Variants in SH3RF3 observed in about 807,000 individuals in gnomAD.
SH3RF3 encodes SH3 domain containing ring finger 3.
In SH3RF3, 29 loss-of-function variants were observed where a neutral mutation model predicts 66.3. The ratio of observed to expected loss-of-function variants is 0.44; its 90% confidence interval spans 0.33 to 0.60. SH3RF3 has a LOEUF of 0.60. Among genes scored for constraint, SH3RF3 ranks in the 20% least tolerant of loss-of-function variants. The pLI is 0.04. For synonymous variants in SH3RF3, 583 were observed against 532.0 expected, an observed-to-expected ratio of 1.10 and a Z score of -1.32; for missense variants, 1,194 against 1,190.9, an observed-to-expected ratio of 1.00 and a Z score of -0.04.
intron 7 of SH3RF3, among the ~76,000 whole-genome samples, chr2:109,441,235 T>C (rs752713261): frequency 2.6e-5 from 4 of 151,970 alleles, no homozygotes; most frequent in Non-Finnish European, 5.9e-5. Flanking sequence ...ATATGACTTA[T>C]AATGAAGGGA....
chr2:109,142,046 G>A (rs567464249), intron 1 of SH3RF3, among the ~76,000 whole-genome samples: 1 of 151,466 alleles, frequency 6.6e-6, no homozygotes, highest in Non-Finnish European at 1.5e-5. Flanking sequence ...AGTCTCCTGG[G>A]GGGGGGGTCT....
rs76086359 is a variant in SH3RF3, at chr2:109,451,195, C to T, written c.2148+1706C>T. Among the ~76,000 whole-genome samples, 525 of 152,328 alleles carry T rather than the reference C, an allele frequency of 3.4e-3. 19 individuals are homozygous for T. The East Asian group carries it at 0.061, about 18-fold the overall frequency. ...TCAGGTCTGCTCCAGCCTAACAGGG[C>T]GCCTGGCATGAAGGGCAACAGCTGC... On this transcript the variant is annotated intron_variant, in intron 8 of 9. Transcript: ENST00000309415.
intron 3 of SH3RF3, among the ~76,000 whole-genome samples, chr2:109,383,835 C>T (rs967021950): frequency 1.3e-5 from 2 of 152,204 alleles, no homozygotes; most frequent in African/African-American, 4.8e-5. Flanking sequence ...GTCCTGTTTT[C>T]AGTGATCAGT....
At chr2:109,335,830 A>G (rs1044691181) in intron 1 of SH3RF3, among the ~76,000 whole-genome samples, 1 of 152,212 alleles carries the variant, frequency 6.6e-6, no homozygotes, top group African/African-American at 2.4e-5. Flanking sequence ...AGAGGATAAG[A>G]ATGAAAGTTA....
chr2:109,373,240 C>T (rs572942554), intron 3 of SH3RF3, among the ~76,000 whole-genome samples: 25 of 152,318 alleles, frequency 1.6e-4, no homozygotes, highest in African/African-American at 5.3e-4. Flanking sequence ...GAACTTAATG[C>T]GCGAATACCA....
intron 1 of SH3RF3, among the ~76,000 whole-genome samples, chr2:109,267,485 G>C (rs1417838076): frequency 1.3e-5 from 2 of 152,188 alleles, no homozygotes; most frequent in Non-Finnish European, 2.9e-5. Flanking sequence ...AGTCAGTGTT[G>C]CTGAGACACA....
chr2:109,359,178 G>T (rs916371210), intron 2 of SH3RF3, among the ~76,000 whole-genome samples: 7 of 152,118 alleles, frequency 4.6e-5, no homozygotes, highest in African/African-American at 1.7e-4. Context: ...CTTCATTATT[G>T]TAACTTTATT....
At chr2:109,286,083 C>G (rs1031909257) in intron 1 of SH3RF3, among the ~76,000 whole-genome samples, 3 of 152,182 alleles carry the variant, frequency 2.0e-5, no homozygotes, top group Non-Finnish European at 2.9e-5. Context: ...ATTCAGGTGC[C>G]TATCATTACA....
intron 3 of SH3RF3, among the ~76,000 whole-genome samples, chr2:109,385,311 A>T (rs1023219607): frequency 6.6e-6 from 1 of 152,180 alleles, no homozygotes; most frequent in African/African-American, 2.4e-5. Context: ...GTTAGAAATG[A>T]TTGTTAACTT....
chr2:109,242,294 A>G (rs73952897), intron 1 of SH3RF3, among the ~76,000 whole-genome samples: 5,867 of 152,116 alleles, frequency 0.039, 375 homozygotes, highest in African/African-American at 0.13. Flanking sequence ...TAATGTCACC[A>G]ATTGGGTGGA....
At chr2:109,258,721 T>G (rs377389560) in intron 1 of SH3RF3, among the ~76,000 whole-genome samples, 1 of 152,356 alleles carries the variant, frequency 6.6e-6, no homozygotes. Flanking sequence ...AGTTCTGGTT[T>G]GTTATTCAGA....
At chr2:109,463,206 A>G (rs911940359) in intron 8 of SH3RF3, among the ~76,000 whole-genome samples, 4 of 152,240 alleles carry the variant, frequency 2.6e-5, no homozygotes, top group Non-Finnish European at 5.9e-5. Context: ...CAGCTCAAGT[A>G]AGAATTTAGT....
intron 1 of SH3RF3, among the ~76,000 whole-genome samples, chr2:109,320,467 C>T (rs558296567): frequency 3.9e-5 from 6 of 152,318 alleles, no homozygotes; most frequent in African/African-American, 1.4e-4. Context: ...ACAACTTCCT[C>T]CTCACGTCTT....
rs575012729 is a variant in SH3RF3, at chr2:109,420,437, TTTTTG to T, written c.1403+815_1403+819del. ...ACAGGATTTTTTGTTGTTGTTGTTG[TTTTTG>T]TTTTGTTTTGTTTTGTTTTTTGAGA... On this transcript the variant is annotated intron_variant, in intron 5 of 9. Coordinates refer to ENST00000309415, the MANE Select transcript of SH3RF3 (RefSeq NM_001099289.3). 2.2e-4 allele frequency among the ~76,000 whole-genome samples: 33 copies of T among 152,140 alleles called. 1 individual carries two copies. Among genetic ancestry groups the T allele is most frequent in the African/African-American group, 3.4e-4 (14 of 41,518 alleles).
intron 1 of SH3RF3, among the ~76,000 whole-genome samples, chr2:109,279,367 A>T (rs957913937): frequency 5.9e-5 from 9 of 152,224 alleles, no homozygotes; most frequent in African/African-American, 1.9e-4. Context: ...CTAAATCGGC[A>T]GTGGCAGGTT....
At chr2:109,162,634 C>A (rs1376191980) in intron 1 of SH3RF3, among the ~76,000 whole-genome samples, 1 of 152,164 alleles carries the variant, frequency 6.6e-6, no homozygotes, top group Non-Finnish European at 1.5e-5. Context: ...CATTGTTGGA[C>A]ATTTGGGTTG....
chr2:109,243,657 G>A (rs1675652831), intron 1 of SH3RF3, among the ~76,000 whole-genome samples: 1 of 152,194 alleles, frequency 6.6e-6, no homozygotes, highest in Non-Finnish European at 1.5e-5. Flanking sequence ...TATGAGTGGT[G>A]AGAAGGGGCC....
chr2:109,196,625 C>T (rs188574267), intron 1 of SH3RF3, among the ~76,000 whole-genome samples: 93 of 152,286 alleles, frequency 6.1e-4, no homozygotes, highest in Middle Eastern at 3.4e-3. Context: ...AGTGCTGCTG[C>T]GCTGTGGTTG....
At chr2:109,314,575 CATAA>C (rs779771572) in intron 1 of SH3RF3, among the ~76,000 whole-genome samples, 3 of 152,204 alleles carry the variant, frequency 2.0e-5, no homozygotes, top group Non-Finnish European at 2.9e-5. Context: ...CCTGCCACTT[CATAA>C]ATAGTGTCTC....
Sources: gnomAD v4.1 joint callset for allele counts (sites outside exome capture counted in the v4.1 genomes callset) on GRCh38, gnomAD v4.1.1 for gene constraint, MANE v1.5 for transcripts, NCBI Gene and HGNC (gene_info 2026-07-23, HGNC 2026-07-21) for gene names.